Variants in RBBP7 observed in about 807,000 individuals in gnomAD.
RBBP7 encodes RB binding protein 7, chromatin remodeling factor, also known as histone-binding protein RBBP7.
Under a neutral mutation model 35.2 loss-of-function variants are expected in RBBP7, and 5 were observed. That is an observed-to-expected ratio of 0.14 (90% CI 0.07 to 0.30). RBBP7 has a LOEUF of 0.30. Ranked by LOEUF, RBBP7 falls within the 10% of genes least tolerant of loss-of-function variation. RBBP7 has a pLI of 1.00. For missense variants in RBBP7, 155 were observed against 327.5 expected (o/e 0.47, Z 4.07); for synonymous variants, 140 against 118.7 (o/e 1.18, Z -1.17).
rs189535610 is a variant in RBBP7, at chrX:16,861,178, C to T, written c.307+1777G>A. On this transcript the variant is annotated intron_variant, in intron 3 of 11. Coordinates refer to ENST00000380087, the MANE Select transcript of RBBP7 (RefSeq NM_002893.4). The stretch of plus-strand genomic sequence containing the variant: ...GACTGAGCGAGACCCTGCCTCATAA[C>T]AAACAAAAACAAAACACAAAAAAAC... Among the ~76,000 whole-genome samples the T allele has an allele frequency of 6.6e-3, 740 of 111,996 alleles. 3 individuals are homozygous for T. The highest frequency in any genetic ancestry group is 0.022 in the African/African-American group (679 of 30,852).
intron 1 of RBBP7, chrX:16,869,799 G>GAGGGA (rs1930730837): frequency 5.4e-6 from 5 of 925,174 alleles, no homozygotes; most frequent in Non-Finnish European, 6.7e-6. Context: ...GCCGCTGGAG[G>GAGGGA]AGGGAAGGGA....
At chrX:16,855,995 CAAA>C (rs754398259) in intron 5 of RBBP7, among the ~76,000 whole-genome samples, 9 of 15,993 alleles carry the variant, frequency 5.6e-4, no homozygotes, top group Admixed American at 2.3e-3. Flanking sequence ...GACCTTGTCT[CAAA>C]AAAAAAAAAA....
intron 8 of RBBP7, 25 bp from the exon 9 acceptor site, chrX:16,852,147 G>A (rs774897309): frequency 1.3e-5 from 14 of 1,104,379 alleles, no homozygotes; most frequent in African/African-American, 1.8e-5. Flanking sequence ...TTTTGAAAAT[G>A]TATTTAAAGA....
rs1849485474 is a variant in RBBP7, at chrX:16,844,710, A to G, written c.*325T>C. On this transcript the variant is annotated 3_prime_UTR_variant, in exon 12 of 12. Coordinates refer to ENST00000380087, the MANE Select transcript of RBBP7 (RefSeq NM_002893.4). ...AAGAAGTGTTGGAAGGAAAAAGTGTAAAAGTTATTCTTGCATATTTGGGAA... is the reference window on the plus strand; with the variant it reads ...AAGAAGTGTTGGAAGGAAAAAGTGTGAAAGTTATTCTTGCATATTTGGGAA... 6.6e-6 allele frequency: 1 copy of G among 151,941 alleles called. No homozygotes were observed. 12.5% of individuals were successfully genotyped at this position (151,941 alleles called of 1,213,427 possible).
At chrX:16,854,916 A>G (rs1344266367) in intron 5 of RBBP7, among the ~76,000 whole-genome samples, 1 of 110,208 alleles carries the variant, frequency 9.1e-6, no homozygotes, top group Admixed American at 9.6e-5. Context: ...TTCTCATTCA[A>G]TAGTTAATAA....
chrX:16,869,869 G>A (rs1451161375), intron 1 of RBBP7, 169 bp downstream of exon 1: 6 of 831,138 alleles, frequency 7.2e-6, no homozygotes, highest in Non-Finnish European at 8.7e-6. Context: ...AGCCCTCGGC[G>A]CGGCGGTCCC....
chrX:16,850,236 T>C (rs1462280627), intron 9 of RBBP7, among the ~76,000 whole-genome samples: 2 of 112,865 alleles, frequency 1.8e-5, no homozygotes, highest in Non-Finnish European at 3.7e-5. Context: ...AGACAGGGTC[T>C]ATGTTGCCCA....
At chrX:16,845,775 T>C (rs1237271609) in intron 11 of RBBP7, 53 bp downstream of exon 11, 1 of 1,168,815 alleles carries the variant, frequency 8.6e-7, no homozygotes, top group African/African-American at 1.8e-5. Flanking sequence ...ATTATGTAAG[T>C]AGTAAATCTC....
rs1930758804 is a variant in RBBP7 at position 16,870,341 on chromosome X, G to A, written c.-288C>T. 1 of 172,049 alleles carries A rather than the reference G, an allele frequency of 5.8e-6. No homozygotes were observed. Among genetic ancestry groups the A allele is most frequent in the Admixed American group, 8.4e-5 (1 of 11,839 alleles). The allele number at this position is 172,049 out of a possible 1,213,427, so 14.2% of individuals were successfully genotyped here. On this transcript the variant is annotated 5_prime_UTR_variant, in exon 1 of 12. Transcript: ENST00000380087. The stretch of plus-strand genomic sequence containing the variant: ...AGCCCGCCCAGGCAGCTGAGCGCAG[G>A]CGCATCCGCCCTGGGAAAAGTGAGA...
chrX:16,849,053 T>C, intron 10 of RBBP7, 191 bp downstream of exon 10: 1 of 356,946 alleles, frequency 2.8e-6, no homozygotes, highest in East Asian at 4.4e-5. Context: ...GAAACATTCA[T>C]AAAAACCTAC....
chrX:16,852,473 A>G (rs1183585732), intron 8 of RBBP7, 78 bp downstream of exon 8: 1 of 1,054,219 alleles, frequency 9.5e-7, no homozygotes, highest in Admixed American at 2.2e-5. Context: ...TAGTGGACCC[A>G]CGAGTCTGGT....
Position 16,869,566 on chromosome X carries a change from G to C in RBBP7, c.17-346C>G. On this transcript the variant is annotated intron_variant, in intron 1 of 11. Coordinates refer to ENST00000380087, the MANE Select transcript of RBBP7 (RefSeq NM_002893.4). The stretch of plus-strand genomic sequence containing the variant: ...CGGGAAGACAAATGCACGTGTAGCA[G>C]AAGCCCACAGGCCTGGTCTCTCCAA... 8.6e-7 allele frequency: 1 copy of C among 1,166,731 alleles called. No individual in the cohort carries two copies. The highest frequency in any genetic ancestry group is 1.1e-6 in the Non-Finnish European group (1 of 872,777).
chrX:16,846,194 T>A (rs1327203790), intron 10 of RBBP7: 2 of 262,515 alleles, frequency 7.6e-6, no homozygotes, highest in East Asian at 7.9e-5. Context: ...CTAGCATAAC[T>A]GATGCTTTAT....
chrX:16,852,977 T>TC, intron 6 of RBBP7, 102 bp from the exon 7 acceptor site: 1 of 1,155,949 alleles, frequency 8.7e-7, no homozygotes, highest in Non-Finnish European at 1.2e-6. Flanking sequence ...CACTATGTGC[T>TC]CCCCTTCATG....
chrX:16,844,399 T>C lies in RBBP7; in HGVS notation c.*636A>G, dbSNP rs1378451384. The C allele has an allele frequency of 8.9e-6, 1 of 112,474 alleles. No homozygotes were observed. The highest frequency in any genetic ancestry group is 1.9e-5 in the Non-Finnish European group (1 of 53,333). The allele number at this position is 112,474 out of a possible 1,213,427, so 9.3% of individuals were successfully genotyped here. A position where few individuals can be genotyped will look rare whatever the true frequency, so the allele number is the denominator to read the frequency against. On this transcript the variant is annotated 3_prime_UTR_variant, in exon 12 of 12. Transcript: ENST00000380087. ...CCACGTCTTTCATGAGGATACGAAT[T>C]GTTAAGAGGCAGTCTCGTTTTGCTT...
chrX:16,868,759 C>T (rs1415794214), intron 2 of RBBP7, among the ~76,000 whole-genome samples: 1 of 112,171 alleles, frequency 8.9e-6, no homozygotes, highest in African/African-American at 3.2e-5. Context: ...TTCTATTTTT[C>T]AGTAAAGTTT....
At chrX:16,851,538 A>C (rs893863491) in intron 9 of RBBP7, among the ~76,000 whole-genome samples, 1 of 111,994 alleles carries the variant, frequency 8.9e-6, no homozygotes, top group Non-Finnish European at 1.9e-5. Flanking sequence ...ATGAGGCCCC[A>C]GAGAACATAA....
chrX:16,850,284 G>T (rs1338597668), intron 9 of RBBP7, among the ~76,000 whole-genome samples: 1 of 112,805 alleles, frequency 8.9e-6, no homozygotes, highest in Non-Finnish European at 1.9e-5. Context: ...CGATCCTCCT[G>T]CTTCAGCCTC....
At chrX:16,859,969 G>T (rs752238270) in intron 3 of RBBP7, among the ~76,000 whole-genome samples, 2 of 110,876 alleles carry the variant, frequency 1.8e-5, no homozygotes, top group Non-Finnish European at 3.8e-5. Context: ...TGAAAAAACC[G>T]TATCTCAAAT....
Sources: allele counts gnomAD v4.1 joint callset (sites outside exome capture counted in the v4.1 genomes callset), GRCh38; gene constraint gnomAD v4.1.1; transcripts MANE v1.5; gene names NCBI Gene and HGNC (gene_info 2026-07-23, HGNC 2026-07-21).